Variants in HCN1 observed in about 807,000 individuals in gnomAD.
The protein encoded by HCN1 is potassium/sodium hyperpolarization-activated cyclic nucleotide-gated channel 1.
HCN1 carries 13 observed loss-of-function variants against 78.9 expected under a neutral mutation model. The observed-to-expected ratio is 0.16, with a 90% confidence interval of 0.11 to 0.26. The LOEUF is 0.26. Among genes scored for constraint, HCN1 ranks in the 10% least tolerant of loss-of-function variants. The probability of loss-of-function intolerance (pLI) is 1.00; values close to 1 mark genes in which losing one functional copy is unlikely to be tolerated. For synonymous variants in HCN1, 552 were observed against 455.5 expected, an observed-to-expected ratio of 1.21 and a Z score of -2.70; for missense variants, 810 against 1,154.3, an observed-to-expected ratio of 0.70 and a Z score of 4.32.
intron 2 of HCN1, among the ~76,000 whole-genome samples, chr5:45,549,511 G>A (rs1743312050): frequency 6.6e-6 from 1 of 152,170 alleles, no homozygotes; most frequent in Non-Finnish European, 1.5e-5. Flanking sequence ...ATGGATTAAA[G>A]ACTCAAATGT....
chr5:45,580,004 T>C (rs973124741), intron 2 of HCN1, among the ~76,000 whole-genome samples: 1 of 152,076 alleles, frequency 6.6e-6, no homozygotes, highest in Non-Finnish European at 1.5e-5. Flanking sequence ...CTCTGGAATA[T>C]TAATTGAAAG....
At chr5:45,490,699 A>G (rs915641510) in intron 2 of HCN1, among the ~76,000 whole-genome samples, 1 of 152,140 alleles carries the variant, frequency 6.6e-6, no homozygotes, top group Non-Finnish European at 1.5e-5. Flanking sequence ...GTATCAAAAC[A>G]TCTCATGTGC....
chr5:45,568,174 T>G (rs1309123830), intron 2 of HCN1, among the ~76,000 whole-genome samples: 2 of 152,172 alleles, frequency 1.3e-5, no homozygotes, highest in East Asian at 1.9e-4. Flanking sequence ...ATTAAGAGTA[T>G]TTTCTCTTTC....
At chr5:45,615,865 T>A (rs1373342421) in intron 2 of HCN1, among the ~76,000 whole-genome samples, 6 of 151,910 alleles carry the variant, frequency 3.9e-5, no homozygotes, top group African/African-American at 1.4e-4. Context: ...TGGTGATGAC[T>A]TGCAAAATAG....
At chr5:45,628,506 A>T (rs976124245) in intron 2 of HCN1, among the ~76,000 whole-genome samples, 1 of 152,236 alleles carries the variant, frequency 6.6e-6, no homozygotes, top group Non-Finnish European at 1.5e-5. Flanking sequence ...GGTGAATAGA[A>T]GCATATTAAT....
intron 3 of HCN1, among the ~76,000 whole-genome samples, chr5:45,399,594 T>A (rs1739754344): frequency 6.6e-6 from 1 of 152,180 alleles, no homozygotes; most frequent in South Asian, 2.1e-4. Flanking sequence ...TGAATAGATA[T>A]GGGTAGTTTT....
At chr5:45,280,034 T>TGG in intron 6 of HCN1, among the ~76,000 whole-genome samples, 1 of 152,144 alleles carries the variant, frequency 6.6e-6, no homozygotes, top group East Asian at 1.9e-4. Context: ...GATATATAAT[T>TGG]TATTATAATA....
At position 45,268,407 on chromosome 5, in the gene HCN1, A is replaced by G. The variant is rs946750412; in HGVS notation, c.1619-1154T>C. Among the ~76,000 whole-genome samples the G allele has an allele frequency of 2.6e-5, 4 of 152,344 alleles. No individual in the cohort carries two copies. The East Asian group carries it at 5.8e-4, about 22-fold the overall frequency. On this transcript the variant is annotated intron_variant, in intron 6 of 7. Coordinates refer to ENST00000303230, the MANE Select transcript of HCN1 (RefSeq NM_021072.4). The stretch of plus-strand genomic sequence containing the variant: ...TAGCTTCAAAATAACAAATTTGAAA[A>G]GAGAAATGATAGAAGTATTTCTAAA...
intron 2 of HCN1, among the ~76,000 whole-genome samples, chr5:45,594,840 T>C (rs1459078325): frequency 1.3e-5 from 2 of 152,176 alleles, no homozygotes; most frequent in East Asian, 1.9e-4. Context: ...ATGGTGACAG[T>C]ACAGAAGTTC....
intron 3 of HCN1, among the ~76,000 whole-genome samples, 187 bp downstream of exon 3, chr5:45,461,659 T>C (rs777144549): frequency 3.9e-5 from 6 of 152,160 alleles, no homozygotes; most frequent in Non-Finnish European, 8.8e-5. Context: ...AGGAACATAG[T>C]CAATTAGTAA....
intron 5 of HCN1, among the ~76,000 whole-genome samples, chr5:45,325,685 A>G (rs1439828408): frequency 4.0e-5 from 6 of 151,696 alleles, no homozygotes; most frequent in African/African-American, 1.4e-4. Flanking sequence ...TGAGAAAATC[A>G]GCCCATACTA....
At chr5:45,324,925 T>G (rs1579812088) in intron 5 of HCN1, among the ~76,000 whole-genome samples, 1 of 151,914 alleles carries the variant, frequency 6.6e-6, no homozygotes, top group East Asian at 1.9e-4. Context: ...TGCCCCAAGC[T>G]TCTACTCCTT....
At chr5:45,689,555 G>A (rs1001382672) in intron 1 of HCN1, among the ~76,000 whole-genome samples, 1 of 152,112 alleles carries the variant, frequency 6.6e-6, no homozygotes, top group South Asian at 2.1e-4. Flanking sequence ...GATAAAAAGT[G>A]AAAAGAGTAT....
intron 3 of HCN1, among the ~76,000 whole-genome samples, chr5:45,452,249 G>A (rs1579904271): frequency 6.6e-6 from 1 of 151,630 alleles, no homozygotes; most frequent in African/African-American, 2.4e-5. Flanking sequence ...GACAGGTATT[G>A]ATTAACTCTT....
Position 45,373,515 on chromosome 5 carries a change from TAA to T in HCN1, c.1231-20271_1231-20270del, listed in dbSNP as rs1017327103. ...ATATATACATTATATACATCATCTA[TAA>T]TATATATTACATACATTATATAGGT... is the stretch of plus-strand genomic sequence containing the variant. On this transcript the variant is annotated intron_variant, in intron 4 of 7. Transcript: ENST00000303230. 4.2e-4 allele frequency among the ~76,000 whole-genome samples: 59 copies of T among 141,170 alleles called. 1 individual carries two copies. The highest frequency in any genetic ancestry group is 1.5e-3 in the African/African-American group (58 of 38,892). The allele number at this position is 141,170 out of a possible 152,430, so 92.6% of individuals were successfully genotyped here.
chr5:45,304,906 A>T (rs137967944), intron 5 of HCN1, among the ~76,000 whole-genome samples: 1 of 152,144 alleles, frequency 6.6e-6, no homozygotes, highest in Non-Finnish European at 1.5e-5. Context: ...ACATATTTTT[A>T]TCCCTCTGGA....
At position 45,276,094 on chromosome 5, in the gene HCN1, C is replaced by T. The variant is rs186134801; in HGVS notation, c.1619-8841G>A. ...ATGCTTCTAAAAAATGAAAAAAACACGTGGCAGAAACAATAGTCTCCATAG... is the reference window on the plus strand; with the variant it reads ...ATGCTTCTAAAAAATGAAAAAAACATGTGGCAGAAACAATAGTCTCCATAG... On this transcript the variant is annotated intron_variant, in intron 6 of 7. Transcript: ENST00000303230. Among the ~76,000 whole-genome samples the T allele has an allele frequency of 2.1e-3, 319 of 152,050 alleles. 1 individual carries two copies. Among genetic ancestry groups the T allele is most frequent in the African/African-American group, 7.3e-3 (302 of 41,502 alleles).
At chr5:45,318,870 G>A (rs1165717544) in intron 5 of HCN1, among the ~76,000 whole-genome samples, 1 of 151,896 alleles carries the variant, frequency 6.6e-6, no homozygotes, top group African/African-American at 2.4e-5. Flanking sequence ...TCAACCCAGA[G>A]GTTCTAGCTA....
intron 5 of HCN1, among the ~76,000 whole-genome samples, chr5:45,305,920 A>G (rs968149799): frequency 1.3e-5 from 2 of 152,078 alleles, no homozygotes; most frequent in Non-Finnish European, 2.9e-5. Context: ...AAGTACTCAT[A>G]AAGACTAATT....
Sources: gnomAD v4.1 joint callset for allele counts (sites outside exome capture counted in the v4.1 genomes callset) on GRCh38, gnomAD v4.1.1 for gene constraint, MANE v1.5 for transcripts, NCBI Gene and HGNC (gene_info 2026-07-23, HGNC 2026-07-21) for gene names.